SFI1: variants seen among roughly 807,000 people sequenced by gnomAD.
SFI1 encodes protein SFI1 homolog.
A neutral mutation model predicts 207.5 loss-of-function variants in SFI1; 195 were observed. That is an observed-to-expected ratio of 0.94 (90% CI 0.84 to 1.06). The LOEUF is 1.06. SFI1 is among the 50% of genes least tolerant of loss of function. The probability of loss-of-function intolerance (pLI) is 0.00; values close to 1 mark genes in which losing one functional copy is unlikely to be tolerated. For synonymous variants in SFI1, 630 were observed against 598.9 expected (o/e 1.05, Z -0.76); for missense variants, 1,634 against 1,588.0 (o/e 1.03, Z -0.49).
intron 4 of SFI1, among the ~76,000 whole-genome samples, chr22:31,537,185 A>G (rs2059079104): frequency 6.6e-6 from 1 of 152,130 alleles, no homozygotes; most frequent in African/African-American, 2.4e-5. Flanking sequence ...CCTCATAGGT[A>G]ACACTTCGTA....
At chr22:31,587,020 T>C (rs1363271334) in intron 14 of SFI1, among the ~76,000 whole-genome samples, 1 of 152,252 alleles carries the variant, frequency 6.6e-6, no homozygotes, top group African/African-American at 2.4e-5. Context: ...TGTGGGTTTC[T>C]TCCTTTTTAA....
At position 31,594,539 on chromosome 22, in the gene SFI1, C is replaced by A. The variant is rs977687005; in HGVS notation, c.1544+4962C>A. Among the ~76,000 whole-genome samples the A allele has an allele frequency of 4.4e-5, 4 of 90,762 alleles. No individual in the cohort carries two copies. The South Asian group carries it at 1.8e-3, about 40-fold the overall frequency. 59.5% of individuals were successfully genotyped at this position (90,762 alleles called of 152,430 possible). ...CTCCAGCCTGGGTGACAGGGCGAGACGCCGTCTCAAAAAAAAAAAAAAAGA... is the reference window on the plus strand; with the variant it reads ...CTCCAGCCTGGGTGACAGGGCGAGAAGCCGTCTCAAAAAAAAAAAAAAAGA... On this transcript the variant is annotated intron_variant, in intron 15 of 32. Coordinates refer to ENST00000400288, the MANE Select transcript of SFI1 (RefSeq NM_001007467.3).
At chr22:31,539,904 T>C (rs1391037114) in intron 4 of SFI1, among the ~76,000 whole-genome samples, 1 of 152,010 alleles carries the variant, frequency 6.6e-6, no homozygotes, top group African/African-American at 2.4e-5. Flanking sequence ...TTAGTAGAGA[T>C]GGGGTTTCAC....
intron 2 of SFI1, among the ~76,000 whole-genome samples, chr22:31,523,795 TG>T (rs2057560563): frequency 6.6e-6 from 1 of 152,164 alleles, no homozygotes; most frequent in Non-Finnish European, 1.5e-5. Flanking sequence ...TTCAAATCTG[TG>T]GAATCAGGGT....
At chr22:31,592,785 G>C (rs1300109569) in intron 15 of SFI1, among the ~76,000 whole-genome samples, 1 of 130,986 alleles carries the variant, frequency 7.6e-6, no homozygotes, top group Admixed American at 7.1e-5. Flanking sequence ...CCTCCCAGAC[G>C]GGGCGGCTGG....
chr22:31,552,544 G>A (rs547700162), intron 6 of SFI1, among the ~76,000 whole-genome samples: 12 of 152,278 alleles, frequency 7.9e-5, no homozygotes, highest in Non-Finnish European at 1.0e-4. Context: ...GAGCCACCAC[G>A]CCCGGCTGTG....
At chr22:31,571,891 C>T (rs2062989872) in intron 8 of SFI1, among the ~76,000 whole-genome samples, 1 of 151,850 alleles carries the variant, frequency 6.6e-6, no homozygotes, top group South Asian at 2.1e-4. Flanking sequence ...TTAGTTGTTA[C>T]ATCTTGAAGA....
intron 4 of SFI1, among the ~76,000 whole-genome samples, chr22:31,534,908 C>T (rs1693969893): frequency 6.6e-6 from 1 of 151,438 alleles, no homozygotes; most frequent in Non-Finnish European, 1.5e-5. Flanking sequence ...GCATCTCACC[C>T]TGTTGCCCAG....
intron 1 of SFI1, among the ~76,000 whole-genome samples, chr22:31,498,119 C>T (rs1327085949): frequency 6.6e-6 from 1 of 152,082 alleles, no homozygotes; most frequent in African/African-American, 2.4e-5. Flanking sequence ...ATAGTGAAAC[C>T]CCGTCTCAAC....
intron 2 of SFI1, chr22:31,521,310 A>G: frequency 5.5e-6 from 1 of 181,488 alleles, no homozygotes; most frequent in Non-Finnish European, 1.3e-5. Context: ...CTTCTTCTTC[A>G]CTAATAGCAG....
At chr22:31,506,039 G>T (rs1341112531) in intron 1 of SFI1, among the ~76,000 whole-genome samples, 1 of 151,792 alleles carries the variant, frequency 6.6e-6, no homozygotes, top group Non-Finnish European at 1.5e-5. Context: ...GTGACAGAGG[G>T]AAATCCTGTC....
At chr22:31,544,892 CT>C (rs1003117773) in intron 4 of SFI1, among the ~76,000 whole-genome samples, 1 of 152,114 alleles carries the variant, frequency 6.6e-6, no homozygotes, top group Non-Finnish European at 1.5e-5. Flanking sequence ...TATTTTCCCT[CT>C]TTTTAAGTTT....
In SFI1 at chr22:31,578,467, T is replaced by C. The variant is rs763292925; in HGVS notation, c.1155+15T>C. 1 of 1,611,766 alleles carries C rather than the reference T, an allele frequency of 6.2e-7. No homozygotes were observed. The highest frequency in any genetic ancestry group is 1.3e-5 in the African/African-American group (1 of 75,024). ...ACAGCCAGCTGGTAAGAGCCCTGCA[T>C]CCTGGCACGGGTCCGCTTGGCAGCC... On this transcript the variant is annotated intron_variant, in intron 11 of 32. Coordinates refer to ENST00000400288, the MANE Select transcript of SFI1 (RefSeq NM_001007467.3).
At chr22:31,591,146 G>T (rs1459045633) in intron 15 of SFI1, among the ~76,000 whole-genome samples, 1 of 152,072 alleles carries the variant, frequency 6.6e-6, no homozygotes, top group Non-Finnish European at 1.5e-5. Context: ...CTGGTTACTT[G>T]AGATTAGGGA....
At chr22:31,585,034 T>A in intron 13 of SFI1, 34 bp from the exon 14 acceptor site, 1 of 1,605,070 alleles carries the variant, frequency 6.2e-7, no homozygotes, top group East Asian at 2.2e-5. Flanking sequence ...TTTTAAAAAC[T>A]TGAAACCTGA....
chr22:31,594,549 AAAAAAAAAAAAAAG>A (rs2066768335), intron 15 of SFI1, among the ~76,000 whole-genome samples: 1 of 7,974 alleles, frequency 1.3e-4, no homozygotes, highest in Non-Finnish European at 4.2e-4. Context: ...CGCCGTCTCA[AAAAAAAAAAAAAAG>A]AAAAGAAAAA....
chr22:31,566,898 G>T (rs2062367099), intron 8 of SFI1, among the ~76,000 whole-genome samples: 2 of 152,056 alleles, frequency 1.3e-5, no homozygotes, highest in African/African-American at 4.8e-5. Flanking sequence ...CTATAACAAA[G>T]CCTATTAGGA....
intron 8 of SFI1, 67 bp downstream of exon 8, chr22:31,561,459 G>C: frequency 7.4e-7 from 1 of 1,350,172 alleles, no homozygotes; most frequent in East Asian, 2.5e-5. Context: ...CCCACAGAGG[G>C]CAGTGCTGGG....
At chr22:31,523,928 A>G (rs2057578826) in intron 2 of SFI1, among the ~76,000 whole-genome samples, 1 of 151,488 alleles carries the variant, frequency 6.6e-6, no homozygotes, top group Non-Finnish European at 1.5e-5. Flanking sequence ...CAACAATAGC[A>G]CACCATGGCA....
Sources: allele counts gnomAD v4.1 joint callset (sites outside exome capture counted in the v4.1 genomes callset), GRCh38; gene constraint gnomAD v4.1.1; transcripts MANE v1.5; gene names NCBI Gene and HGNC (gene_info 2026-07-23, HGNC 2026-07-21).